PCDH15: variants seen among roughly 807,000 people sequenced by gnomAD.
PCDH15 encodes the protein protocadherin-15.
Under a neutral mutation model 178.5 loss-of-function variants are expected in PCDH15, and 129 were observed. The ratio of observed to expected loss-of-function variants is 0.72; its 90% CI spans 0.63 to 0.84. The LOEUF (loss-of-function observed/expected upper bound fraction) is 0.84, where lower values mean the gene tolerates loss of function less well. PCDH15 is among the 40% of genes least tolerant of loss of function. The pLI is 0.00. For synonymous variants in PCDH15, 800 were observed against 732.0 expected (o/e 1.09, Z -1.50); for missense variants, 2,230 against 2,099.9 (o/e 1.06, Z -1.21).
At chr10:55,467,898 T>C (rs1589054642) in intron 2 of PCDH15, among the ~76,000 whole-genome samples, 1 of 126,950 alleles carries the variant, frequency 7.9e-6, no homozygotes, top group African/African-American at 3.0e-5. Context: ...ACCTGGGAGG[T>C]GGAGCTTACA....
At chr10:54,123,469 G>A (rs2041731881) in intron 15 of PCDH15, among the ~76,000 whole-genome samples, 1 of 152,052 alleles carries the variant, frequency 6.6e-6, no homozygotes, top group Non-Finnish European at 1.5e-5. Flanking sequence ...AAACCACTAT[G>A]AGATACCTAC....
chr10:54,442,359 C>T (rs1279921270), intron 3 of PCDH15, among the ~76,000 whole-genome samples: 1 of 115,256 alleles, frequency 8.7e-6, no homozygotes, highest in Non-Finnish European at 1.7e-5. Context: ...AAACTACGTG[C>T]CACTTTTGGA....
intron 2 of PCDH15, among the ~76,000 whole-genome samples, chr10:55,598,906 C>T (rs1404702935): frequency 6.6e-6 from 1 of 151,996 alleles, no homozygotes; most frequent in Non-Finnish European, 1.5e-5. Context: ...GGCTTACACC[C>T]GGAAGATTTC....
intron 3 of PCDH15, among the ~76,000 whole-genome samples, chr10:54,807,903 C>T (rs1952803998): frequency 6.6e-6 from 1 of 151,346 alleles, no homozygotes; most frequent in Non-Finnish European, 1.5e-5. Flanking sequence ...TCTACATTGA[C>T]AGCCTGTGGA....
intron 2 of PCDH15, among the ~76,000 whole-genome samples, chr10:55,520,318 T>C (rs34172322): frequency 0.59 from 28,943 of 49,280 alleles, 9,595 homozygotes; most frequent in African/African-American, 0.82. Context: ...TATATATACA[T>C]GCAATGTGTA....
intron 20 of PCDH15, among the ~76,000 whole-genome samples, chr10:54,006,053 G>C (rs527498104): frequency 1.3e-5 from 2 of 152,098 alleles, no homozygotes; most frequent in Non-Finnish European, 2.9e-5. Context: ...GGCACTTTCT[G>C]GTGTCTCCCA....
At chr10:55,479,604 C>G (rs976639073) in intron 2 of PCDH15, among the ~76,000 whole-genome samples, 1 of 151,558 alleles carries the variant, frequency 6.6e-6, no homozygotes, top group Admixed American at 6.6e-5. Context: ...GAAATCTAGA[C>G]TAAGCCAATG....
intron 2 of PCDH15, among the ~76,000 whole-genome samples, chr10:55,066,180 A>C (rs4007192): frequency 6.6e-6 from 1 of 151,386 alleles, no homozygotes; most frequent in African/African-American, 2.4e-5. Flanking sequence ...TCTTAACAGC[A>C]GTTCTCTCTT....
chr10:55,370,964 G>A (rs1039373996), intron 2 of PCDH15, among the ~76,000 whole-genome samples: 1 of 152,130 alleles, frequency 6.6e-6, no homozygotes, highest in Non-Finnish European at 1.5e-5. Context: ...GAATTTGGGT[G>A]TGTGACAACA....
At chr10:55,418,966 T>C (rs1838552872) in intron 2 of PCDH15, among the ~76,000 whole-genome samples, 2 of 151,808 alleles carry the variant, frequency 1.3e-5, no homozygotes, top group African/African-American at 4.8e-5. Flanking sequence ...GAAAACATTA[T>C]AATATCTACG....
rs12264579 is a variant in PCDH15, at chr10:55,545,555, C to T, written c.-156+82070G>A. Among the ~76,000 whole-genome samples, 505 of 126,040 alleles carry T rather than the reference C, an allele frequency of 4.0e-3. 3 individuals are homozygous for T. The highest frequency in any genetic ancestry group is 0.015 in the African/African-American group (464 of 32,000). 82.7% of individuals were successfully genotyped at this position (126,040 alleles called of 152,430 possible). A position where few individuals can be genotyped will look rare whatever the true frequency, so the allele number is the denominator to read the frequency against. ...CCTCCCTAGTAGCTGGGATTACAGG[C>T]GCACGCTGCCACACCTGGCTAATTT... On this transcript the variant is annotated intron_variant, in intron 2 of 5. Transcript: ENST00000613346.
At chr10:54,818,821 T>A (rs936234961) in intron 3 of PCDH15, among the ~76,000 whole-genome samples, 11 of 152,126 alleles carry the variant, frequency 7.2e-5, no homozygotes, top group Admixed American at 6.6e-4. Context: ...AATTTGATTG[T>A]TGCTTTAAGC....
intron 2 of PCDH15, among the ~76,000 whole-genome samples, chr10:55,613,075 G>T (rs1042989803): frequency 3.7e-5 from 5 of 136,202 alleles, no homozygotes; most frequent in Admixed American, 1.6e-4. Flanking sequence ...CCAGGCTGGA[G>T]TGCAGTGGCA....
intron 2 of PCDH15, among the ~76,000 whole-genome samples, chr10:55,111,471 C>G (rs1318034193): frequency 6.6e-6 from 1 of 152,032 alleles, no homozygotes; most frequent in Non-Finnish European, 1.5e-5. Context: ...TTGAAAAGTT[C>G]ATTTAATTTA....
chr10:55,108,506 A>T (rs1837415603), intron 2 of PCDH15, among the ~76,000 whole-genome samples: 2 of 152,192 alleles, frequency 1.3e-5, no homozygotes, highest in Admixed American at 1.3e-4. Flanking sequence ...TATTGATAGG[A>T]ACACAGACTA....
At chr10:54,111,368 T>C (rs1400963377) in intron 15 of PCDH15, among the ~76,000 whole-genome samples, 1 of 152,126 alleles carries the variant, frequency 6.6e-6, no homozygotes, top group Non-Finnish European at 1.5e-5. Flanking sequence ...TCTTTTTTCA[T>C]TTAACTTTAG....
At chr10:55,290,423 A>T (rs1291913820) in intron 1 of PCDH15, among the ~76,000 whole-genome samples, 2 of 152,134 alleles carry the variant, frequency 1.3e-5, no homozygotes, top group Non-Finnish European at 2.9e-5. Context: ...TATGTTTTGC[A>T]TACTTTAAGT....
chr10:55,588,821 C>T (rs1211489499), intron 2 of PCDH15, among the ~76,000 whole-genome samples: 1 of 152,086 alleles, frequency 6.6e-6, no homozygotes, highest in Non-Finnish European at 1.5e-5. Flanking sequence ...GAACCTCACA[C>T]CTGTAATCCT....
At chr10:54,121,996 G>GACACAGACACAC (rs756158522) in intron 15 of PCDH15, among the ~76,000 whole-genome samples, 2,523 of 95,886 alleles carry the variant, frequency 0.026, 91 homozygotes, top group African/African-American at 0.082. Flanking sequence ...ACCGGGCAAA[G>GACACAGACACAC]ACACATACAC....
Sources: allele counts gnomAD v4.1 joint callset (sites outside exome capture counted in the v4.1 genomes callset), GRCh38; gene constraint gnomAD v4.1.1; transcripts MANE v1.5; gene names NCBI Gene and HGNC (gene_info 2026-07-23, HGNC 2026-07-21).